COMMD1: variants seen among roughly 807,000 people sequenced by gnomAD.
COMMD1 encodes copper metabolism domain containing 1, also known as COMM domain-containing protein 1.
In COMMD1, 10 loss-of-function variants were observed where a neutral mutation model predicts 17.2. The ratio of observed to expected loss-of-function variants is 0.58; its 90% CI spans 0.36 to 0.99. COMMD1 has a LOEUF of 0.99. Ranked by LOEUF, COMMD1 falls within the 50% of genes least tolerant of loss-of-function variation. The pLI, the probability that COMMD1 is intolerant of heterozygous loss-of-function variation, is 0.01. For missense variants in COMMD1, 270 were observed against 231.8 expected (o/e 1.17, Z -1.07); for synonymous variants, 97 against 91.6 (o/e 1.06, Z -0.34).
chr2:61,929,641 A>C (rs1670413690), intron 1 of COMMD1, among the ~76,000 whole-genome samples: 1 of 152,174 alleles, frequency 6.6e-6, no homozygotes, highest in Non-Finnish European at 1.5e-5. Context: ...ATACAACTTA[A>C]ATTTGTAAGG....
chr2:61,957,179 A>G (rs1010844083), intron 1 of COMMD1, among the ~76,000 whole-genome samples: 1 of 151,746 alleles, frequency 6.6e-6, no homozygotes, highest in African/African-American at 2.4e-5. Flanking sequence ...TGGGGTGTTT[A>G]TAGCTCACTG....
intron 2 of COMMD1, among the ~76,000 whole-genome samples, chr2:62,131,950 G>A (rs1409089767): frequency 6.0e-5 from 9 of 148,878 alleles, no homozygotes; most frequent in African/African-American, 1.7e-4. Flanking sequence ...GTGCAATAGC[G>A]TGATCTTGGC....
At chr2:61,895,460 T>G (rs1447492766) in intron 1 of COMMD1, among the ~76,000 whole-genome samples, 1 of 152,158 alleles carries the variant, frequency 6.6e-6, no homozygotes, top group Non-Finnish European at 1.5e-5. Flanking sequence ...TTGGCCTTGG[T>G]CCTGCTACTA....
intron 1 of COMMD1, among the ~76,000 whole-genome samples, chr2:61,990,144 T>G (rs1485286827): frequency 6.6e-6 from 1 of 152,148 alleles, no homozygotes; most frequent in Non-Finnish European, 1.5e-5. Context: ...GAATATACAC[T>G]TAAGAGCTAA....
intron 1 of COMMD1, among the ~76,000 whole-genome samples, chr2:61,908,758 G>A (rs1289903191): frequency 6.6e-6 from 1 of 150,522 alleles, no homozygotes; most frequent in Non-Finnish European, 1.5e-5. Context: ...CAGTAGAGAC[G>A]GGGTTTCACC....
chr2:61,905,586 C>T (rs775092266), upstream of COMMD1: 19 of 1,308,064 alleles, frequency 1.5e-5, no homozygotes, highest in Non-Finnish European at 1.7e-5. Context: ...CCCCGAGGTT[C>T]CCCGTGGTGG....
intron 2 of COMMD1, among the ~76,000 whole-genome samples, chr2:62,072,410 T>C (rs1205298447): frequency 1.3e-5 from 2 of 152,118 alleles, no homozygotes; most frequent in Non-Finnish European, 2.9e-5. Context: ...CAGCCACACA[T>C]TGGGACTACC....
chr2:62,062,504 A>G (rs1283390949), intron 2 of COMMD1, among the ~76,000 whole-genome samples: 1 of 152,162 alleles, frequency 6.6e-6, no homozygotes, highest in Non-Finnish European at 1.5e-5. Context: ...CTGGGATTAC[A>G]GGTGTGAGCC....
At chr2:62,057,779 C>T (rs1370985613) in intron 2 of COMMD1, among the ~76,000 whole-genome samples, 1 of 151,634 alleles carries the variant, frequency 6.6e-6, no homozygotes, top group African/African-American at 2.4e-5. Flanking sequence ...CCTATGTTGC[C>T]CAGACTGGTC....
chr2:61,952,021 A>G (rs1184027253), intron 1 of COMMD1, among the ~76,000 whole-genome samples: 1 of 152,200 alleles, frequency 6.6e-6, no homozygotes, highest in Non-Finnish European at 1.5e-5. Context: ...TAAGGCTGGT[A>G]TGACCATTTG....
At chr2:61,989,827 G>C (rs1389489626) in intron 1 of COMMD1, among the ~76,000 whole-genome samples, 3 of 152,098 alleles carry the variant, frequency 2.0e-5, no homozygotes, top group Non-Finnish European at 2.9e-5. Context: ...TTTGTAGAGC[G>C]CCTACTGTGT....
At chr2:61,921,822 C>G (rs1670204102) in intron 1 of COMMD1, among the ~76,000 whole-genome samples, 1 of 152,116 alleles carries the variant, frequency 6.6e-6, no homozygotes, top group Non-Finnish European at 1.5e-5. Context: ...CATGATTCAA[C>G]AAAAAACAAC....
intron 2 of COMMD1, among the ~76,000 whole-genome samples, chr2:62,083,037 T>C (rs566931745): frequency 6.6e-6 from 1 of 152,198 alleles, no homozygotes; most frequent in African/African-American, 2.4e-5. Context: ...GGCAGGAAAA[T>C]GGCTTGAGCC....
At chr2:62,116,255 G>A (rs746423160) in intron 2 of COMMD1, among the ~76,000 whole-genome samples, 1 of 152,164 alleles carries the variant, frequency 6.6e-6, no homozygotes, top group African/African-American at 2.4e-5. Context: ...CCCAACTAAG[G>A]CATCTCAGCC....
rs562314838 is a variant in COMMD1 at position 62,013,420 on chromosome 2, C to T, written c.462+12438C>T. Among the ~76,000 whole-genome samples the T allele has an allele frequency of 3.9e-5, 6 of 152,320 alleles. No individual in the cohort carries two copies. The South Asian group carries it at 1.0e-3, about 26-fold the overall frequency. On this transcript the variant is annotated intron_variant, in intron 2 of 2. Transcript: ENST00000311832. Reference sequence around the variant, plus strand: ...TTCTCACAATCTCCATTCCACATTTCCATCTCTGTTTCTCATTTATGACAG... The same window carrying T: ...TTCTCACAATCTCCATTCCACATTTTCATCTCTGTTTCTCATTTATGACAG...
chr2:61,950,063 C>G (rs1288310364), intron 1 of COMMD1, among the ~76,000 whole-genome samples: 1 of 152,106 alleles, frequency 6.6e-6, no homozygotes, highest in East Asian at 1.9e-4. Flanking sequence ...TGACAGTACC[C>G]GAAGAACTAG....
chr2:62,073,442 G>T (rs142040775), intron 2 of COMMD1, among the ~76,000 whole-genome samples: 100 of 152,200 alleles, frequency 6.6e-4, no homozygotes, highest in African/African-American at 2.3e-3. Context: ...TACCAACCTC[G>T]TCTTTAGACA....
At chr2:61,902,480 A>C (rs1382399282), upstream of COMMD1, among the ~76,000 whole-genome samples, 3 of 150,362 alleles carry the variant, frequency 2.0e-5, no homozygotes. Context: ...CACTCCATCC[A>C]GCCTGGGCGA....
chr2:62,011,414 T>C (rs1669274035), intron 2 of COMMD1, among the ~76,000 whole-genome samples: 1 of 152,240 alleles, frequency 6.6e-6, no homozygotes, highest in African/African-American at 2.4e-5. Flanking sequence ...CTTTAGTTGT[T>C]TTTCTTCTTG....
Sources: gnomAD v4.1 joint callset for allele counts (sites outside exome capture counted in the v4.1 genomes callset) on GRCh38, gnomAD v4.1.1 for gene constraint, MANE v1.5 for transcripts, NCBI Gene and HGNC (gene_info 2026-07-23, HGNC 2026-07-21) for gene names.